The following CHD2 variants were observed in gnomAD, a reference collection of about 807,000 sequenced individuals.
The protein encoded by CHD2 is chromodomain helicase DNA binding protein 2.
In CHD2, 28 loss-of-function variants were observed where a neutral mutation model predicts 243.9. The observed-to-expected ratio is 0.11, with a 90% CI of 0.09 to 0.16. CHD2 has a LOEUF of 0.16. Among genes scored for constraint, CHD2 ranks in the 10% least tolerant of loss-of-function variants. The pLI, the probability that CHD2 is intolerant of heterozygous loss-of-function variation, is 1.00. For missense variants in CHD2, 1,386 were observed against 2,209.8 expected, an observed-to-expected ratio of 0.63 and a Z score of 7.47; for synonymous variants, 775 against 779.0, an observed-to-expected ratio of 0.99 and a Z score of 0.09.
chr15:93,002,674 T>C (rs1448080906), intron 33 of CHD2, among the ~76,000 whole-genome samples: 2 of 152,248 alleles, frequency 1.3e-5, no homozygotes, highest in Non-Finnish European at 2.9e-5. Flanking sequence ...TGAATTTGAA[T>C]ACTTGAAGAG....
At chr15:92,981,493 TG>T (rs1956304139) in intron 24 of CHD2, 36 bp downstream of exon 24, 1 of 1,514,568 alleles carries the variant, frequency 6.6e-7, no homozygotes, top group Non-Finnish European at 9.1e-7. Context: ...TTCTCAGCAT[TG>T]ATTCATTAAT....
chr15:93,020,181 C>G lies in CHD2; in HGVS notation c.5076C>G (p.Asn1692Lys). The G allele has an allele frequency of 6.2e-7, 1 of 1,614,104 alleles. No individual in the cohort carries two copies. The highest frequency in any genetic ancestry group is 8.5e-7 in the Non-Finnish European group (1 of 1,180,038). The change falls in exon 38 of 39, where the codon AAC (asparagine) becomes AAG (lysine). Residue 1692 changes from asparagine (N) to lysine (K), a missense_variant. Asn to Lys is a moderately conservative substitution (Grantham distance 94). Transcript: ENST00000394196. The part of the protein sequence containing the change: ...DAHRSGSYRP[N>K]NMSRKRPYDQ... ...ACCGTTCCGGAAGCTATCGACCCAA[C>G]AACATGTCCAGAAAGAGGCCTTATG...
rs917395119 is a variant in CHD2 at position 92,904,525 on chromosome 15, G to A, written c.62+3226G>A. The A allele has an allele frequency of 7.0e-6, 7 of 996,710 alleles. No individual in the cohort carries two copies. The African/African-American group carries it at 8.7e-5, about 12-fold the overall frequency. 61.7% of individuals were successfully genotyped at this position (996,710 alleles called of 1,614,324 possible). The stretch of plus-strand genomic sequence containing the variant: ...AAGGGAACTCTAGTTGGGACTTTCC[G>A]GTGGGCGGCTTCTTTCCTGGACGCG... On this transcript the variant is annotated intron_variant, in intron 2 of 38. Coordinates refer to ENST00000394196, the MANE Select transcript of CHD2 (RefSeq NM_001271.4).
At position 92,900,623 on chromosome 15, in the gene CHD2, C is replaced by G; in HGVS notation, c.-273C>G. On this transcript the variant is annotated 5_prime_UTR_variant, in exon 1 of 39. Coordinates refer to ENST00000394196, the MANE Select transcript of CHD2 (RefSeq NM_001271.4). ...GCGCACCTCCATTTTTGTGCGCTCT[C>G]CTAATGAGGTTTTTTTTCTTTCGGA... The G allele has an allele frequency of 2.5e-6, 1 of 398,532 alleles. No homozygotes were observed. The highest frequency in any genetic ancestry group is 4.4e-6 in the Non-Finnish European group (1 of 226,066). 24.7% of individuals were successfully genotyped at this position (398,532 alleles called of 1,614,324 possible). A position where few individuals can be genotyped will look rare whatever the true frequency, so the allele number is the denominator to read the frequency against.
intron 19 of CHD2, 66 bp from the exon 20 acceptor site, chr15:92,974,813 T>A (rs2053886261): frequency 1.4e-6 from 2 of 1,446,662 alleles, no homozygotes; most frequent in East Asian, 2.3e-5. Context: ...GTTCCAAGTC[T>A]GCTGTTCTAT....
At position 93,009,230 on chromosome 15, in the gene CHD2, A is replaced by C; in HGVS notation, c.4499A>C (p.Glu1500Ala). ...GGGCTCAACGTGCAAGAACAGCTGG[A>C]ACACACCCGGAACTGCCTGCTGAAA... ...DKGLNVQEQL[E>A]HTRNCLLKIG... is the part of the protein sequence containing the mutation. The change falls in exon 35 of 39, where the codon GAA becomes GCA. Residue 1500 changes from glutamate (E) to alanine (A), a missense_variant. Physicochemically the swap from Glu to Ala is moderately radical, Grantham distance 107. This residue lies in a region of CHD2 where 42 missense variants were observed against 47.6 expected (regional missense o/e 0.88). Transcript: ENST00000394196. 3 of 1,614,240 alleles carry C rather than the reference A, an allele frequency of 1.9e-6. No individual in the cohort carries two copies. The highest frequency in any genetic ancestry group is 2.5e-6 in the Non-Finnish European group (3 of 1,180,042).
At chr15:92,969,033 A>G (rs1429220610) in intron 17 of CHD2, among the ~76,000 whole-genome samples, 2 of 152,192 alleles carry the variant, frequency 1.3e-5, no homozygotes, top group African/African-American at 4.8e-5. Context: ...AGGAAATGAT[A>G]TTTGTTTGTT....
intron 2 of CHD2, chr15:92,904,359 C>A: frequency 1.3e-6 from 1 of 792,582 alleles, no homozygotes; most frequent in Non-Finnish European, 1.5e-6. Context: ...TCAACGGCGG[C>A]GCCTTCGGCA....
chr15:93,021,451 TC>T (rs2054534008), intron 38 of CHD2: 1 of 152,248 alleles, frequency 6.6e-6, no homozygotes, highest in African/African-American at 2.4e-5. Flanking sequence ...AAATATTTTT[TC>T]TGATCCCCCA....
At chr15:92,918,815 A>C (rs2052893728) in intron 2 of CHD2, among the ~76,000 whole-genome samples, 1 of 151,650 alleles carries the variant, frequency 6.6e-6, no homozygotes, top group Non-Finnish European at 1.5e-5. Flanking sequence ...ACACATATAT[A>C]CACATATACA....
chr15:92,951,018 T>A (rs1013522048), intron 13 of CHD2, among the ~76,000 whole-genome samples: 1 of 152,218 alleles, frequency 6.6e-6, no homozygotes, highest in South Asian at 2.1e-4. Flanking sequence ...CTAATTCATC[T>A]AAATGACAGT....
rs893203290 is a variant in CHD2 at position 93,014,835 on chromosome 15, C to T, written c.4832C>T (p.Ser1611Phe). 1.2e-5 allele frequency: 19 copies of T among 1,614,066 alleles called. No individual in the cohort carries two copies. Among genetic ancestry groups the T allele is most frequent in the Middle Eastern group, 1.6e-4 (1 of 6,084 alleles). ...CCTCAGAAGCCTCATTTGCCTGCCT[C>T]CCATGGCCCACAGATGCATGGACAC... ...LHPQKPHLPA[S>F]HGPQMHGHPR... The change falls in exon 37 of 39, where the codon TCC becomes TTC. Residue 1611 changes from serine (S) to phenylalanine (F), a missense_variant. Around this residue, in one of 19 missense-constraint regions of CHD2, gnomAD observed 347 missense variants for 341.6 expected, o/e 1.02. Coordinates refer to ENST00000394196, the MANE Select transcript of CHD2 (RefSeq NM_001271.4).
intron 12 of CHD2, 102 bp downstream of exon 12, chr15:92,946,318 T>C (rs1596399518): frequency 4.3e-6 from 4 of 921,688 alleles, no homozygotes; most frequent in Middle Eastern, 3.3e-4. Flanking sequence ...GAAATGATGA[T>C]TGCCATTTTG....
intron 22 of CHD2, among the ~76,000 whole-genome samples, chr15:92,979,788 G>A (rs2053953752): frequency 6.6e-6 from 1 of 151,938 alleles, no homozygotes; most frequent in Non-Finnish European, 1.5e-5. Context: ...CATGGTGGCA[G>A]GCGCCTGTAG....
At chr15:92,943,601 CTG>C (rs1310539711) in intron 9 of CHD2, 2 of 161,134 alleles carry the variant, frequency 1.2e-5, no homozygotes, top group African/African-American at 4.8e-5. Context: ...ACTACTGAAA[CTG>C]TGATAGTCCT....
At chr15:92,902,270 GAAGT>G (rs1381346694) in intron 2 of CHD2, 3 of 397,578 alleles carry the variant, frequency 7.5e-6, no homozygotes, top group Non-Finnish European at 1.3e-5. Context: ...TGTTAGTGAT[GAAGT>G]AATAAAGCCT....
intron 2 of CHD2, among the ~76,000 whole-genome samples, chr15:92,923,964 A>G (rs902785630): frequency 5.3e-5 from 8 of 152,102 alleles, no homozygotes; most frequent in South Asian, 2.1e-4. Flanking sequence ...TCTGGTTTCA[A>G]ATCTTACTGT....
chr15:92,975,619 T>G (rs1022513478), intron 20 of CHD2, among the ~76,000 whole-genome samples: 1 of 151,640 alleles, frequency 6.6e-6, no homozygotes, highest in Non-Finnish European at 1.5e-5. Flanking sequence ...CAACCTGAAG[T>G]AGAAGTGTTT....
intron 16 of CHD2, among the ~76,000 whole-genome samples, chr15:92,965,598 A>T (rs1567144602): frequency 7.0e-6 from 1 of 143,496 alleles, no homozygotes. Context: ...AAAAAAAACC[A>T]ACTCAGAATC....
Sources: gnomAD v4.1 joint callset for allele counts (sites outside exome capture counted in the v4.1 genomes callset) on GRCh38, gnomAD v4.1.1 for gene constraint, gnomAD v4.1.1 regional missense constraint, MANE v1.5 for transcripts, NCBI Gene and HGNC (gene_info 2026-07-23, HGNC 2026-07-21) for gene names.